TRHDE: variants seen among roughly 807,000 people sequenced by gnomAD.
The protein encoded by TRHDE is thyrotropin-releasing hormone-degrading ectoenzyme.
Under a neutral mutation model 125.7 loss-of-function variants are expected in TRHDE, and 72 were observed. The observed-to-expected ratio is 0.57, with a 90% CI of 0.47 to 0.70. The LOEUF is 0.70. Ranked by LOEUF, TRHDE falls within the 30% of genes least tolerant of loss-of-function variation. The pLI, the probability that TRHDE is intolerant of heterozygous loss-of-function variation, is 0.00. For missense variants in TRHDE, 1,110 were observed against 1,327.1 expected (o/e 0.84, Z 2.54); for synonymous variants, 509 against 509.1 (o/e 1.00, Z 0.00).
chr12:72,270,936 T>C (rs955133378), upstream of TRHDE, among the ~76,000 whole-genome samples: 1 of 152,234 alleles, frequency 6.6e-6, no homozygotes, highest in Non-Finnish European at 1.5e-5. Flanking sequence ...ATAACTATCC[T>C]AACAAAGTTA....
At chr12:72,635,808 G>A (rs1181826595) in intron 15 of TRHDE, among the ~76,000 whole-genome samples, 1 of 152,250 alleles carries the variant, frequency 6.6e-6, no homozygotes, top group East Asian at 1.9e-4. Flanking sequence ...AGACCAGATA[G>A]TTGTAGATAT....
intron 3 of TRHDE, among the ~76,000 whole-genome samples, chr12:72,416,775 G>A (rs879876441): frequency 7.9e-5 from 12 of 151,920 alleles, no homozygotes; most frequent in Non-Finnish European, 1.2e-4. Flanking sequence ...TTTAGTTATC[G>A]TAGCTTTGCA....
At chr12:72,097,429 TTTCTCACTGAA>T (rs746676665) in intron 1 of TRHDE, among the ~76,000 whole-genome samples, 2 of 18,274 alleles carry the variant, frequency 1.1e-4, no homozygotes, top group Non-Finnish European at 5.2e-4. Flanking sequence ...GCAGTAGCAT[TTTCTCACTGAA>T]TTTTTTTTTT....
intron 16 of TRHDE, among the ~76,000 whole-genome samples, 174 bp from the exon 17 acceptor site, chr12:72,652,842 T>G (rs1874559382): frequency 6.6e-6 from 1 of 151,984 alleles, no homozygotes; most frequent in Admixed American, 6.6e-5. Context: ...ATACTATGAG[T>G]TTGATCCTCT....
At chr12:72,494,599 C>T (rs1877823432) in intron 5 of TRHDE, among the ~76,000 whole-genome samples, 1 of 151,910 alleles carries the variant, frequency 6.6e-6, no homozygotes, top group Non-Finnish European at 1.5e-5. Context: ...ACTCTTATTT[C>T]CTATTTTCCA....
chr12:72,576,706 TA>T (rs952699806), intron 12 of TRHDE, among the ~76,000 whole-genome samples: 2 of 152,090 alleles, frequency 1.3e-5, no homozygotes, highest in African/African-American at 4.8e-5. Flanking sequence ...ACTAAAGAAA[TA>T]AAAAACATTG....
At chr12:72,153,183 T>C (rs1365989708) in intron 2 of TRHDE, among the ~76,000 whole-genome samples, 1 of 152,244 alleles carries the variant, frequency 6.6e-6, no homozygotes, top group African/African-American at 2.4e-5. Flanking sequence ...TTTATTTACA[T>C]AGAGGTGTTT....
intron 12 of TRHDE, among the ~76,000 whole-genome samples, chr12:72,586,185 T>C (rs528716471): frequency 5.9e-5 from 9 of 152,206 alleles, no homozygotes; most frequent in Non-Finnish European, 1.0e-4. Flanking sequence ...TTTTACATTA[T>C]TTTACACTAG....
chr12:72,461,809 A>G (rs1043898256), intron 3 of TRHDE, among the ~76,000 whole-genome samples: 2 of 152,172 alleles, frequency 1.3e-5, no homozygotes, highest in African/African-American at 4.8e-5. Flanking sequence ...TTGTTTGAAA[A>G]TAAGACTCCT....
At chr12:72,362,269 A>G (rs1322179158) in intron 2 of TRHDE, among the ~76,000 whole-genome samples, 2 of 149,710 alleles carry the variant, frequency 1.3e-5, no homozygotes, top group African/African-American at 2.5e-5. Flanking sequence ...CTGGTGTGAG[A>G]TGGTATCTCA....
chr12:72,193,087 G>T (rs1392625959), intron 2 of TRHDE, among the ~76,000 whole-genome samples: 2 of 151,656 alleles, frequency 1.3e-5, no homozygotes, highest in African/African-American at 2.4e-5. Context: ...AAAATTTTTG[G>T]CTGGGATCAA....
At chr12:72,316,893 G>A (rs763454186) in intron 2 of TRHDE, among the ~76,000 whole-genome samples, 23 of 152,194 alleles carry the variant, frequency 1.5e-4, no homozygotes, top group East Asian at 3.9e-4. Context: ...ATATAGGACC[G>A]CATTTAATAC....
intron 2 of TRHDE, among the ~76,000 whole-genome samples, chr12:72,346,091 C>A (rs920784325): frequency 3.2e-5 from 4 of 124,740 alleles, no homozygotes; most frequent in African/African-American, 1.0e-4. Flanking sequence ...ATTTCATGCT[C>A]AGGGTGGTGT....
At chr12:72,563,435 A>G (rs936648120) in intron 9 of TRHDE, among the ~76,000 whole-genome samples, 9 of 152,206 alleles carry the variant, frequency 5.9e-5, no homozygotes, top group African/African-American at 2.2e-4. Flanking sequence ...CATAATGCAG[A>G]AAAACTAAAA....
rs148577049 is a variant in TRHDE at position 72,374,292 on chromosome 12, AGTGTGTGTGTGTGT to A, written c.1189-3675_1189-3662del. Among the ~76,000 whole-genome samples, 340 of 134,100 alleles carry A rather than the reference AGTGTGTGTGTGTGT, an allele frequency of 2.5e-3. 2 individuals are homozygous for A. Among genetic ancestry groups the A allele is most frequent in the Non-Finnish European group, 4.4e-3 (277 of 63,224 alleles). The allele number at this position is 134,100 out of a possible 152,430, so 88.0% of individuals were successfully genotyped here. On this transcript the variant is annotated intron_variant, in intron 2 of 18. Transcript: ENST00000261180. ...AGGTGGGAAAGATTTTAGAAGGAGA[AGTGTGTGTGTGTGT>A]GTGTGTGTGTGTGTGTGTGTGTGTG...
chr12:72,155,042 A>G (rs1314331455), intron 2 of TRHDE, among the ~76,000 whole-genome samples: 2 of 152,204 alleles, frequency 1.3e-5, no homozygotes, highest in South Asian at 2.1e-4. Flanking sequence ...AATCAGACGT[A>G]GATTTGGTCT....
At chr12:72,498,728 C>T (rs1236827201) in intron 5 of TRHDE, among the ~76,000 whole-genome samples, 1 of 152,106 alleles carries the variant, frequency 6.6e-6, no homozygotes, top group Non-Finnish European at 1.5e-5. Context: ...TATTTTTTAA[C>T]ATAGCAAATC....
intron 2 of TRHDE, among the ~76,000 whole-genome samples, chr12:72,371,851 T>C (rs927690068): frequency 2.6e-5 from 4 of 152,206 alleles, no homozygotes; most frequent in Non-Finnish European, 4.4e-5. Context: ...GCAATAAACA[T>C]ACATGTGCAT....
intron 6 of TRHDE, among the ~76,000 whole-genome samples, chr12:72,512,136 G>A (rs1188138005): frequency 2.0e-5 from 3 of 151,900 alleles, no homozygotes; most frequent in African/African-American, 7.3e-5. Context: ...CCAAAGTGGT[G>A]ATCTCATGAT....
Sources: gnomAD v4.1 joint callset for allele counts (sites outside exome capture counted in the v4.1 genomes callset) on GRCh38, gnomAD v4.1.1 for gene constraint, MANE v1.5 for transcripts, NCBI Gene and HGNC (gene_info 2026-07-23, HGNC 2026-07-21) for gene names.